NAV2: variants seen among roughly 807,000 people sequenced by gnomAD.
The protein encoded by NAV2 is helicase, APC down-regulated 1.
In NAV2, 54 loss-of-function variants were observed where a neutral mutation model predicts 223.2. The ratio of observed to expected loss-of-function variants is 0.24; its 90% confidence interval spans 0.19 to 0.30. The LOEUF is 0.30. Among genes scored for constraint, NAV2 ranks in the 10% least tolerant of loss-of-function variants. The probability of loss-of-function intolerance (pLI) is 1.00; values close to 1 mark genes in which losing one functional copy is unlikely to be tolerated. For synonymous variants in NAV2, 1,279 were observed against 1,239.3 expected, an observed-to-expected ratio of 1.03 and a Z score of -0.67; for missense variants, 2,806 against 3,147.5, an observed-to-expected ratio of 0.89 and a Z score of 2.60.
intron 1 of NAV2, among the ~76,000 whole-genome samples, chr11:19,745,738 G>A (rs773101267): frequency 2.6e-5 from 4 of 152,090 alleles, no homozygotes; most frequent in South Asian, 2.1e-4. Context: ...TAGATCCCTC[G>A]CATGTGCAGT....
intron 1 of NAV2, among the ~76,000 whole-genome samples, chr11:19,584,345 A>G (rs1754911762): frequency 6.6e-6 from 1 of 152,008 alleles, no homozygotes; most frequent in Non-Finnish European, 1.5e-5. Context: ...GGATTCATTG[A>G]TTTTTTGAAG....
intron 1 of NAV2, among the ~76,000 whole-genome samples, chr11:19,643,821 C>A (rs989800215): frequency 5.3e-5 from 8 of 152,186 alleles, no homozygotes; most frequent in African/African-American, 1.9e-4. Flanking sequence ...TCCTCTCCAG[C>A]ACCTGTTGTT....
At chr11:19,620,347 G>A (rs1252005385) in intron 1 of NAV2, among the ~76,000 whole-genome samples, 1 of 152,146 alleles carries the variant, frequency 6.6e-6, no homozygotes, top group Non-Finnish European at 1.5e-5. Flanking sequence ...AAATTACCTT[G>A]GGAAGAATGG....
chr11:19,432,536 G>A (rs1851072865), intron 1 of NAV2, among the ~76,000 whole-genome samples: 1 of 152,214 alleles, frequency 6.6e-6, no homozygotes, highest in South Asian at 2.1e-4. Flanking sequence ...AAGGCAGGCA[G>A]AAGCCAAAAG....
At chr11:19,881,833 G>C (rs2063228171) in intron 5 of NAV2, among the ~76,000 whole-genome samples, 3 of 152,200 alleles carry the variant, frequency 2.0e-5, no homozygotes. Context: ...TGATAGAAAG[G>C]TCTCTCTCAG....
rs117819775 is a variant in NAV2 at position 19,677,264 on chromosome 11, T to C, written c.76-155220T>C. Among the ~76,000 whole-genome samples, 469 of 152,344 alleles carry C rather than the reference T, an allele frequency of 3.1e-3. 2 individuals are homozygous for C. Among genetic ancestry groups the C allele is most frequent in the Non-Finnish European group, 3.9e-3 (263 of 68,032 alleles). ...GCAGAGTGATTTCCAGGCAAGCCAT[T>C]TGGGCAAGAGCAACTTGACTGCATC... On this transcript the variant is annotated intron_variant, in intron 1 of 37. Coordinates refer to the NAV2 transcript ENST00000360655.
intron 29 of NAV2, among the ~76,000 whole-genome samples, chr11:20,094,583 G>A (rs1345442544): frequency 6.6e-6 from 1 of 152,120 alleles, no homozygotes; most frequent in Non-Finnish European, 1.5e-5. Flanking sequence ...ATTTATTCTA[G>A]TGATTGTCAA....
At chr11:19,913,735 G>A (rs1035115699) in intron 6 of NAV2, among the ~76,000 whole-genome samples, 1 of 141,318 alleles carries the variant, frequency 7.1e-6, no homozygotes, top group Non-Finnish European at 1.5e-5. Context: ...CGCACTCTGG[G>A]CCTTAGATTC....
intron 6 of NAV2, among the ~76,000 whole-genome samples, chr11:19,901,667 A>G (rs1411078149): frequency 1.3e-5 from 2 of 152,236 alleles, no homozygotes; most frequent in Non-Finnish European, 2.9e-5. Flanking sequence ...AGATTAATAA[A>G]TGGGGAATCA....
intron 1 of NAV2, among the ~76,000 whole-genome samples, chr11:19,705,931 C>T (rs1242767168): frequency 6.6e-6 from 1 of 152,130 alleles, no homozygotes; most frequent in East Asian, 1.9e-4. Flanking sequence ...GACAATATAG[C>T]TTGACCCCTG....
At chr11:20,056,840 G>A (rs1476400175) in intron 19 of NAV2, among the ~76,000 whole-genome samples, 1 of 152,142 alleles carries the variant, frequency 6.6e-6, no homozygotes, top group East Asian at 1.9e-4. Flanking sequence ...GGATAAAATA[G>A]GAGTAATAAT....
chr11:19,386,699 TGTGA>T (rs1383629028), intron 1 of NAV2, among the ~76,000 whole-genome samples: 1 of 150,862 alleles, frequency 6.6e-6, no homozygotes, highest in Non-Finnish European at 1.5e-5. Flanking sequence ...AGAGAGAAAA[TGTGA>T]GTTGGCATAA....
At chr11:19,352,872 G>A (rs1352088885) in intron 1 of NAV2, among the ~76,000 whole-genome samples, 1 of 152,178 alleles carries the variant, frequency 6.6e-6, no homozygotes, top group Non-Finnish European at 1.5e-5. Flanking sequence ...CGCCACTGCA[G>A]TAGCTTCTGT....
In NAV2 at chr11:20,013,658, C is replaced by T. The variant is rs2625298; in HGVS notation, c.2769-22301C>T. On this transcript the variant is annotated intron_variant, in intron 11 of 37. Coordinates refer to ENST00000349880, the MANE Select transcript of NAV2 (RefSeq NM_145117.5). ...TCATGGAGCTGTAGGAAGGGTTCTG[C>T]GGGAAAAGGTATTTACAGCATTTCA... Among the ~76,000 whole-genome samples, 1,123 of 152,172 alleles carry T rather than the reference C, an allele frequency of 7.4e-3. 14 individuals carry two copies. The highest frequency in any genetic ancestry group is 0.026 in the African/African-American group (1,060 of 41,506).
intron 1 of NAV2, among the ~76,000 whole-genome samples, chr11:19,631,562 A>G (rs559353653): frequency 6.6e-6 from 1 of 152,232 alleles, no homozygotes; most frequent in South Asian, 2.1e-4. Flanking sequence ...CTTCCTACCA[A>G]GACTAGTGTG....
intron 32 of NAV2, among the ~76,000 whole-genome samples, chr11:20,102,960 C>T (rs2061743450): frequency 3.9e-5 from 6 of 152,130 alleles, no homozygotes; most frequent in Admixed American, 3.9e-4. Context: ...AGCTCTCAGG[C>T]TACACACATA....
chr11:19,624,803 T>C (rs949771470), intron 1 of NAV2, among the ~76,000 whole-genome samples: 6 of 152,210 alleles, frequency 3.9e-5, no homozygotes, highest in Non-Finnish European at 8.8e-5. Flanking sequence ...ATGAACCCGG[T>C]ACCTCAGTTG....
At chr11:20,001,723 G>A (rs1048484898) in intron 11 of NAV2, among the ~76,000 whole-genome samples, 8 of 137,626 alleles carry the variant, frequency 5.8e-5, no homozygotes, top group African/African-American at 2.1e-4. Context: ...GGGGAGGGGG[G>A]ACGGAAAGCA....
rs1166485329 is a variant in NAV2, at chr11:19,777,093, A to ACC, written c.268-55381_268-55380dup. On this transcript the variant is annotated intron_variant, in intron 1 of 37. Coordinates refer to ENST00000349880, the MANE Select transcript of NAV2 (RefSeq NM_145117.5). ...GGGGCGGGGAACTCACCAGCCGCCG[A>ACC]CCCCCCCCCCCACCCCGCCCTCGGC... Among the ~76,000 whole-genome samples, 592 of 126,172 alleles carry ACC rather than the reference A, an allele frequency of 4.7e-3. 8 individuals carry two copies. Among genetic ancestry groups the ACC allele is most frequent in the Admixed American group, 0.012 (147 of 12,536 alleles). The allele number at this position is 126,172 out of a possible 152,430, so 82.8% of individuals were successfully genotyped here.
Sources: gnomAD v4.1 joint callset for allele counts (sites outside exome capture counted in the v4.1 genomes callset) on GRCh38, gnomAD v4.1.1 for gene constraint, MANE v1.5 for transcripts, NCBI Gene and HGNC (gene_info 2026-07-23, HGNC 2026-07-21) for gene names.